Variants in VPS13A observed in about 807,000 individuals in gnomAD.
The protein encoded by VPS13A is vacuolar protein sorting 13 homolog A, also known as intermembrane lipid transfer protein VPS13A.
A neutral mutation model predicts 390.9 loss-of-function variants in VPS13A; 264 were observed. The observed-to-expected ratio is 0.68, with a 90% CI of 0.61 to 0.75. The LOEUF (loss-of-function observed/expected upper bound fraction) is 0.75. Among genes scored for constraint, VPS13A ranks in the 30% least tolerant of loss-of-function variants. The pLI is 0.00. For synonymous variants in VPS13A, 1,231 were observed against 1,227.1 expected (o/e 1.00, Z -0.07); for missense variants, 3,409 against 3,733.9 (o/e 0.91, Z 2.27).
intron 1 of VPS13A, among the ~76,000 whole-genome samples, chr9:77,184,868 A>C (rs2131055106): frequency 6.6e-6 from 1 of 152,228 alleles, no homozygotes; most frequent in South Asian, 2.1e-4. Context: ...CACAACAGGG[A>C]GGGCATGGAA....
Position 77,308,074 on chromosome 9 carries a change from A to G in VPS13A, c.4090A>G (p.Thr1364Ala), listed in dbSNP as rs1321207368. The G allele has an allele frequency of 6.2e-7, 1 of 1,613,972 alleles. No individual in the cohort carries two copies. Among genetic ancestry groups the G allele is most frequent in the Non-Finnish European group, 8.5e-7 (1 of 1,179,918 alleles). The change falls in exon 35 of 72, where the codon ACT (threonine) becomes GCT (alanine). Residue 1364 changes from threonine (T) to alanine (A), a missense_variant. By Grantham distance (58) the Thr-to-Ala change is moderately conservative. Transcript: ENST00000360280. ...DQYSATSGVTTNASHHSGGAT... is the reference protein window; with the variant it reads ...DQYSATSGVTANASHHSGGAT... Reference sequence around the variant, plus strand: ...ATACAGTGCCACTAGTGGAGTTACTACTAATGCTTCACACCATTCAGGAGG... The same window carrying G: ...ATACAGTGCCACTAGTGGAGTTACTGCTAATGCTTCACACCATTCAGGAGG...
intron 24 of VPS13A, 128 bp downstream of exon 24, chr9:77,273,492 G>C: frequency 1.4e-6 from 1 of 718,198 alleles, no homozygotes; most frequent in Admixed American, 2.9e-5. Context: ...CTAGGTTCTT[G>C]ACTGAGGCTC....
At chr9:77,317,301 C>CT (rs1214726587) in intron 39 of VPS13A, among the ~76,000 whole-genome samples, 1 of 151,838 alleles carries the variant, frequency 6.6e-6, no homozygotes, top group Non-Finnish European at 1.5e-5. Context: ...CTATTCACAT[C>CT]TTTTTTGGCT....
At chr9:77,316,871 A>G (rs1466194248) in intron 39 of VPS13A, among the ~76,000 whole-genome samples, 4 of 152,038 alleles carry the variant, frequency 2.6e-5, no homozygotes, top group African/African-American at 7.2e-5. Flanking sequence ...CATACTTCAC[A>G]TTGATATTTT....
chr9:77,402,568 T>C (rs1402393331), intron 68 of VPS13A, among the ~76,000 whole-genome samples: 6 of 150,564 alleles, frequency 4.0e-5, no homozygotes, highest in African/African-American at 1.5e-4. Context: ...AGAGCAAATA[T>C]TACTGAAAAT....
At chr9:77,254,345 A>T (rs372680451) in intron 22 of VPS13A, among the ~76,000 whole-genome samples, 3 of 152,262 alleles carry the variant, frequency 2.0e-5, no homozygotes, top group African/African-American at 7.2e-5. Context: ...AAAATCATTT[A>T]TCCATATATG....
intron 1 of VPS13A, among the ~76,000 whole-genome samples, chr9:77,181,174 G>A (rs1464745534): frequency 6.6e-6 from 1 of 152,022 alleles, no homozygotes; most frequent in South Asian, 2.1e-4. Context: ...TTCAAAAGTA[G>A]TAATTTGATA....
intron 1 of VPS13A, among the ~76,000 whole-genome samples, chr9:77,184,029 G>A (rs1303854178): frequency 4.6e-5 from 7 of 152,184 alleles, no homozygotes; most frequent in Non-Finnish European, 1.0e-4. Context: ...ACTTCAGCAT[G>A]TGTATCATTA....
chr9:77,370,596 G>A lies in VPS13A; in HGVS notation c.8907+18G>A, dbSNP rs746989592. 2.5e-6 allele frequency: 4 copies of A among 1,613,784 alleles called. No homozygotes were observed. Among genetic ancestry groups the A allele is most frequent in the South Asian group, 1.1e-5 (1 of 91,056 alleles). ...TAGTTTCTGTAAGAAATTTCACAGG[G>A]TTGTGAAGATTTTGGGAAATATCTT... On this transcript the variant is annotated intron_variant, in intron 65 of 71. Coordinates refer to ENST00000360280, the MANE Select transcript of VPS13A (RefSeq NM_033305.3).
intron 55 of VPS13A, among the ~76,000 whole-genome samples, chr9:77,357,137 T>A (rs1563955199): frequency 6.6e-6 from 1 of 151,622 alleles, no homozygotes; most frequent in Non-Finnish European, 1.5e-5. Flanking sequence ...CTGGCCAACA[T>A]GGCAAACCCT....
chr9:77,390,173 T>C, intron 68 of VPS13A: 1 of 927,660 alleles, frequency 1.1e-6, no homozygotes, highest in Middle Eastern at 5.5e-4. Context: ...AGACAAAGGC[T>C]ATTGGACTTC....
chr9:77,366,695 A>T (rs745358655), intron 60 of VPS13A, 32 bp from the exon 61 acceptor site: 4 of 1,560,274 alleles, frequency 2.6e-6, no homozygotes, highest in Admixed American at 3.4e-5. Context: ...TGAAGAAAAT[A>T]CTTTTAAATA....
rs1340402481 is a variant in VPS13A, at chr9:77,282,608, TTTAGA to T, written c.3118+340_3118+344del. 3.3e-5 allele frequency among the ~76,000 whole-genome samples: 5 copies of T among 152,178 alleles called. No individual in the cohort carries two copies. The South Asian group carries it at 6.2e-4, about 19-fold the overall frequency. On this transcript the variant is annotated intron_variant, in intron 29 of 71. Coordinates refer to ENST00000360280, the MANE Select transcript of VPS13A (RefSeq NM_033305.3). ...AAATTTATGCATTTCATGACATTAT[TTTAGA>T]TTAGACAAATATGACTAACAAAATT... is the stretch of plus-strand genomic sequence containing the variant.
At chr9:77,305,032 G>GGGTTCACGCCATTCTCCTGCCTCAGC (rs1454372104) in intron 34 of VPS13A, among the ~76,000 whole-genome samples, 2 of 151,728 alleles carry the variant, frequency 1.3e-5, no homozygotes, top group Non-Finnish European at 2.9e-5. Context: ...TCCGCCTCTG[G>GGGTTCACGCCATTCTCCTGCCTCAGC]GGTTCACGCC....
intron 52 of VPS13A, among the ~76,000 whole-genome samples, chr9:77,346,302 A>G (rs955006410): frequency 6.6e-6 from 1 of 151,844 alleles, no homozygotes; most frequent in Non-Finnish European, 1.5e-5. Context: ...TTTCTTGGCC[A>G]CTTGTATATC....
At chr9:77,186,441 T>G (rs139876924) in intron 1 of VPS13A, among the ~76,000 whole-genome samples, 1,690 of 151,268 alleles carry the variant, frequency 0.011, 29 homozygotes, top group African/African-American at 0.038. Context: ...TATTTATTTG[T>G]TTTTTTTAAT....
chr9:77,327,854 G>A (rs952397448), intron 45 of VPS13A, among the ~76,000 whole-genome samples: 10 of 151,926 alleles, frequency 6.6e-5, no homozygotes, highest in East Asian at 1.9e-4. Context: ...CCTCAAAGTC[G>A]TCCATGAGGG....
chr9:77,191,471 G>C (rs1824683773), intron 1 of VPS13A, among the ~76,000 whole-genome samples: 1 of 151,248 alleles, frequency 6.6e-6, no homozygotes, highest in African/African-American at 2.4e-5. Context: ...AATTTTTTTT[G>C]TATTTTTTGT....
intron 26 of VPS13A, among the ~76,000 whole-genome samples, chr9:77,279,253 G>A (rs552842442): frequency 4.6e-5 from 7 of 152,254 alleles, no homozygotes; most frequent in African/African-American, 9.6e-5. Flanking sequence ...ATGGAGAGCC[G>A]GAAGTGGGGG....
Sources: gnomAD v4.1 joint callset for allele counts (sites outside exome capture counted in the v4.1 genomes callset) on GRCh38, gnomAD v4.1.1 for gene constraint, MANE v1.5 for transcripts, NCBI Gene and HGNC (gene_info 2026-07-23, HGNC 2026-07-21) for gene names.